MELK: variants seen among roughly 807,000 people sequenced by gnomAD.
MELK encodes pEg3 kinase.
A neutral mutation model predicts 85.0 loss-of-function variants in MELK; 81 were observed. The ratio of observed to expected loss-of-function variants is 0.95; its 90% CI spans 0.80 to 1.15. The LOEUF (loss-of-function observed/expected upper bound fraction) is 1.15. Ranked by LOEUF, MELK falls within the 50% of genes most tolerant of loss-of-function variation. The pLI is 0.00. For missense variants in MELK, 754 were observed against 777.5 expected, an observed-to-expected ratio of 0.97 and a Z score of 0.36; for synonymous variants, 252 against 265.0, an observed-to-expected ratio of 0.95 and a Z score of 0.48.
chr9:36,599,556 G>A, intron 7 of MELK, 70 bp downstream of exon 7: 1 of 1,141,234 alleles, frequency 8.8e-7, no homozygotes, highest in Non-Finnish European at 1.3e-6. Flanking sequence ...AGTGAGTCAG[G>A]CACTGTGCGT....
chr9:36,619,238 G>A (rs1827165228), intron 8 of MELK, among the ~76,000 whole-genome samples: 1 of 152,168 alleles, frequency 6.6e-6, no homozygotes, highest in South Asian at 2.1e-4. Flanking sequence ...GAGATTACAG[G>A]CATGAGCCAC....
intron 12 of MELK, among the ~76,000 whole-genome samples, chr9:36,655,783 C>T (rs906016523): frequency 6.6e-6 from 1 of 152,170 alleles, no homozygotes; most frequent in Non-Finnish European, 1.5e-5. Context: ...GCTCTCCATG[C>T]ATCCAGTTCC....
intron 7 of MELK, among the ~76,000 whole-genome samples, chr9:36,601,257 C>T (rs1824893914): frequency 6.6e-6 from 1 of 152,094 alleles, no homozygotes; most frequent in Non-Finnish European, 1.5e-5. Context: ...GGATATGGTG[C>T]AGGATGCATT....
At position 36,673,926 on chromosome 9, in the gene MELK, C is replaced by A. The variant is rs1031832732; in HGVS notation, c.1675-908C>A. 2.0e-5 allele frequency among the ~76,000 whole-genome samples: 3 copies of A among 151,998 alleles called. No individual in the cohort carries two copies. In the South Asian group the frequency reaches 6.2e-4, roughly 32 times the overall value. On this transcript the variant is annotated intron_variant, in intron 16 of 17. Coordinates refer to ENST00000298048, the MANE Select transcript of MELK (RefSeq NM_014791.4). ...AAATACATATTTAAAAATATTTATCCATGTGCCACCCAGAATTACCTTGTC... is the reference window on the plus strand; with the variant it reads ...AAATACATATTTAAAAATATTTATCAATGTGCCACCCAGAATTACCTTGTC...
intron 4 of MELK, 112 bp from the exon 5 acceptor site, chr9:36,594,516 C>A: frequency 7.9e-7 from 1 of 1,266,034 alleles, no homozygotes; most frequent in Non-Finnish European, 1.1e-6. Context: ...GTTCCATTCC[C>A]TATAAAGTCG....
chr9:36,585,572 G>T lies in MELK; in HGVS notation c.144+1860G>T, dbSNP rs540944095. 3.3e-5 allele frequency among the ~76,000 whole-genome samples: 5 copies of T among 152,106 alleles called. No homozygotes were observed. The East Asian group carries it at 9.7e-4, about 29-fold the overall frequency. On this transcript the variant is annotated intron_variant, in intron 3 of 17. Transcript: ENST00000298048. Reference sequence around the variant, plus strand: ...TGCACCCACCTCGGCCTCCTAAAGTGCTGGGATTACAGGTGTGAGCTACCA... The same window carrying T: ...TGCACCCACCTCGGCCTCCTAAAGTTCTGGGATTACAGGTGTGAGCTACCA...
At chr9:36,638,355 G>A (rs1343672622) in intron 10 of MELK, among the ~76,000 whole-genome samples, 3 of 151,108 alleles carry the variant, frequency 2.0e-5, no homozygotes, top group Admixed American at 6.6e-5. Context: ...GTGTGATCTC[G>A]GCTCACCGCA....
chr9:36,616,384 A>G (rs1826787221), intron 8 of MELK, among the ~76,000 whole-genome samples: 1 of 121,898 alleles, frequency 8.2e-6, no homozygotes, highest in Non-Finnish European at 1.7e-5. Context: ...AGCATGTCAA[A>G]CTCTTTTTTT....
In MELK at chr9:36,589,640, CA is replaced by C; in HGVS notation, c.250del (p.Met84TrpfsTer15). On this transcript the variant is annotated frameshift_variant, in exon 4 of 18. Transcript: ENST00000298048. LOFTEE classifies it high-confidence loss of function. ...TGCTAGAGACAGCCAACAAAATATT[CA>C]TGGTTCTTGAGGTTAGTAGTATGTT... is the stretch of plus-strand genomic sequence containing the variant. ...HVLETANKIF[M>X]VLEYCPGGEL... 1 of 1,608,568 alleles carries C rather than the reference CA, an allele frequency of 6.2e-7. No homozygotes were observed.
chr9:36,599,180 A>G (rs1167631392), intron 6 of MELK, among the ~76,000 whole-genome samples: 1 of 151,962 alleles, frequency 6.6e-6, no homozygotes, highest in Non-Finnish European at 1.5e-5. Context: ...GCGTGCCTGT[A>G]ATCCCAGCTA....
At chr9:36,619,181 A>C (rs1827159637) in intron 8 of MELK, among the ~76,000 whole-genome samples, 1 of 151,538 alleles carries the variant, frequency 6.6e-6, no homozygotes, top group African/African-American at 2.4e-5. Context: ...CTGGTCTTGA[A>C]CTCCTGACCT....
intron 7 of MELK, among the ~76,000 whole-genome samples, chr9:36,601,339 T>A (rs565930689): frequency 3.3e-4 from 50 of 151,938 alleles, no homozygotes; most frequent in African/African-American, 1.2e-3. Flanking sequence ...GCTTTCTTTA[T>A]TTTTTTTGAT....
At chr9:36,662,303 C>T (rs982544167) in intron 13 of MELK, among the ~76,000 whole-genome samples, 6 of 148,860 alleles carry the variant, frequency 4.0e-5, no homozygotes, top group East Asian at 3.9e-4. Flanking sequence ...AGTGCAATGG[C>T]GTGATCTCAG....
chr9:36,630,074 A>G, intron 8 of MELK: 1 of 470,938 alleles, frequency 2.1e-6, no homozygotes, highest in Non-Finnish European at 3.8e-6. Context: ...TGAACTCCTG[A>G]TCTCAGGTGA....
chr9:36,593,585 G>A (rs1440589438), intron 4 of MELK, among the ~76,000 whole-genome samples: 1 of 152,200 alleles, frequency 6.6e-6, no homozygotes, highest in African/African-American at 2.4e-5. Flanking sequence ...TGTTATAGCA[G>A]CCCAAATGGA....
rs191130434 is a variant in MELK at position 36,631,215 on chromosome 9, C to T, written c.735+848C>T. On this transcript the variant is annotated intron_variant, in intron 9 of 17. Transcript: ENST00000298048. ...CTGACCTCACGTTTTCTGCCTGCCTCGACCTCTCAAAATCCAAAGTGCTGG... is the reference window on the plus strand; with the variant it reads ...CTGACCTCACGTTTTCTGCCTGCCTTGACCTCTCAAAATCCAAAGTGCTGG... Among the ~76,000 whole-genome samples, 13 of 152,034 alleles carry T rather than the reference C, an allele frequency of 8.6e-5. No homozygotes were observed. In the East Asian group the frequency reaches 2.3e-3, roughly 27 times the overall value.
At chr9:36,614,662 G>T (rs1280409245) in intron 8 of MELK, among the ~76,000 whole-genome samples, 1 of 112,340 alleles carries the variant, frequency 8.9e-6, no homozygotes, top group African/African-American at 3.8e-5. Flanking sequence ...CTGCCTTCAA[G>T]CATCTGTTTA....
chr9:36,662,522 G>A (rs1831957087), intron 13 of MELK, among the ~76,000 whole-genome samples: 6 of 152,090 alleles, frequency 3.9e-5, no homozygotes. Flanking sequence ...AGAATTACAG[G>A]CGTGAGCCCC....
At chr9:36,607,778 G>T (rs1215311399) in intron 8 of MELK, 105 bp downstream of exon 8, 1 of 818,812 alleles carries the variant, frequency 1.2e-6, no homozygotes, top group Non-Finnish European at 2.0e-6. Flanking sequence ...GTTATTCTCT[G>T]CTGTTAGAAG....
Sources: allele counts gnomAD v4.1 joint callset (sites outside exome capture counted in the v4.1 genomes callset), GRCh38; gene constraint gnomAD v4.1.1; transcripts MANE v1.5; gene names NCBI Gene and HGNC (gene_info 2026-07-23, HGNC 2026-07-21).